LHFPL3: variants seen among roughly 807,000 people sequenced by gnomAD.
LHFPL3 encodes LHFPL tetraspan subfamily member 3.
A neutral mutation model predicts 19.3 loss-of-function variants in LHFPL3; 5 were observed. The observed-to-expected ratio is 0.26, with a 90% CI of 0.14 to 0.54. LHFPL3 has a LOEUF of 0.54. Among genes scored for constraint, LHFPL3 ranks in the 20% least tolerant of loss-of-function variants. The probability of loss-of-function intolerance (pLI) is 0.94; values close to 1 mark genes in which losing one functional copy is unlikely to be tolerated. For synonymous variants in LHFPL3, 133 were observed against 126.2 expected (o/e 1.05, Z -0.36); for missense variants, 249 against 307.4 (o/e 0.81, Z 1.42).
chr7:104,750,051 T>C (rs1794132857), intron 2 of LHFPL3, among the ~76,000 whole-genome samples: 1 of 152,190 alleles, frequency 6.6e-6, no homozygotes, highest in Non-Finnish European at 1.5e-5. Flanking sequence ...CCCATTGTTG[T>C]AATAAATCTC....
At chr7:104,501,860 A>G (rs190031009) in intron 1 of LHFPL3, among the ~76,000 whole-genome samples, 26 of 152,352 alleles carry the variant, frequency 1.7e-4, no homozygotes, top group African/African-American at 5.8e-4. Context: ...TAGCAGTAGC[A>G]TAGCTGATTT....
chr7:104,534,610 C>A (rs62485140), intron 1 of LHFPL3, among the ~76,000 whole-genome samples: 1,816 of 152,308 alleles, frequency 0.012, 15 homozygotes, highest in East Asian at 0.027. Flanking sequence ...TCCTATGTAA[C>A]TGTTCTCACT....
intron 2 of LHFPL3, among the ~76,000 whole-genome samples, chr7:104,890,256 T>C (rs1249836844): frequency 6.6e-6 from 1 of 152,166 alleles, no homozygotes; most frequent in African/African-American, 2.4e-5. Flanking sequence ...TGAACTATGA[T>C]TGTGCCACTT....
At chr7:104,782,244 A>T (rs1288674428) in intron 2 of LHFPL3, among the ~76,000 whole-genome samples, 1 of 152,192 alleles carries the variant, frequency 6.6e-6, no homozygotes, top group Admixed American at 6.5e-5. Flanking sequence ...CTCTTCAGCA[A>T]AGTTGTCAAT....
intron 1 of LHFPL3, among the ~76,000 whole-genome samples, chr7:104,442,371 A>T (rs1442689499): frequency 6.6e-6 from 1 of 152,178 alleles, no homozygotes; most frequent in Non-Finnish European, 1.5e-5. Flanking sequence ...CTAGATATTG[A>T]CACGACGCTT....
chr7:104,816,165 CGTT>C (rs768946001), intron 2 of LHFPL3, among the ~76,000 whole-genome samples: 16 of 152,152 alleles, frequency 1.1e-4, no homozygotes, highest in South Asian at 2.1e-4. Context: ...AAAATGCTGT[CGTT>C]GTTGTTGTTT....
chr7:104,420,055 C>T (rs931947030), intron 1 of LHFPL3, among the ~76,000 whole-genome samples: 1 of 152,184 alleles, frequency 6.6e-6, no homozygotes, highest in Admixed American at 6.5e-5. Context: ...GGTTCTAACC[C>T]CATGAAGAGT....
intron 1 of LHFPL3, among the ~76,000 whole-genome samples, chr7:104,402,320 T>C (rs1584295390): frequency 6.6e-6 from 1 of 152,358 alleles, no homozygotes; most frequent in East Asian, 1.9e-4. Flanking sequence ...TACCACCTAC[T>C]TAAAGTAAAT....
intron 1 of LHFPL3, among the ~76,000 whole-genome samples, chr7:104,368,458 C>T (rs543066976): frequency 3.1e-4 from 47 of 152,260 alleles, no homozygotes; most frequent in Admixed American, 2.5e-3. Context: ...TGCAGACATC[C>T]GCTACCTGAA....
At chr7:104,813,610 T>C (rs891152949) in intron 2 of LHFPL3, among the ~76,000 whole-genome samples, 1 of 152,084 alleles carries the variant, frequency 6.6e-6, no homozygotes, top group Non-Finnish European at 1.5e-5. Flanking sequence ...TGAGTGAGTG[T>C]AGGGTCCAGC....
chr7:104,344,382 C>G (rs1244179913), intron 1 of LHFPL3, among the ~76,000 whole-genome samples: 2 of 152,026 alleles, frequency 1.3e-5, no homozygotes, highest in East Asian at 3.9e-4. Flanking sequence ...ACATTGTGCT[C>G]AATATGTAGC....
intron 1 of LHFPL3, among the ~76,000 whole-genome samples, chr7:104,371,956 G>T (rs778858711): frequency 1.4e-4 from 21 of 152,158 alleles, no homozygotes; most frequent in Non-Finnish European, 2.5e-4. Flanking sequence ...ACATCAGAGA[G>T]GATAACATTT....
At chr7:104,841,426 G>C (rs561753760) in intron 2 of LHFPL3, among the ~76,000 whole-genome samples, 1 of 36,870 alleles carries the variant, frequency 2.7e-5, no homozygotes, top group South Asian at 1.3e-3. Flanking sequence ...GTTTGTGTCT[G>C]TGGAAAATTG....
At chr7:104,757,303 A>T (rs1191643744) in intron 2 of LHFPL3, among the ~76,000 whole-genome samples, 1 of 152,162 alleles carries the variant, frequency 6.6e-6, no homozygotes, top group Non-Finnish European at 1.5e-5. Flanking sequence ...TTGGGACATA[A>T]TTTATAACTA....
At chr7:104,339,631 A>G (rs538176450) in intron 1 of LHFPL3, among the ~76,000 whole-genome samples, 8 of 152,372 alleles carry the variant, frequency 5.3e-5, no homozygotes, top group South Asian at 2.1e-4. Flanking sequence ...TAAGTCTTCA[A>G]TATGCATTTT....
intron 1 of LHFPL3, among the ~76,000 whole-genome samples, chr7:104,655,500 T>C (rs1269133598): frequency 6.6e-6 from 1 of 152,184 alleles, no homozygotes; most frequent in African/African-American, 2.4e-5. Context: ...GAATTGAGGA[T>C]TGCTAAAGGG....
At chr7:104,661,048 G>A (rs577240122) in intron 1 of LHFPL3, among the ~76,000 whole-genome samples, 34 of 152,232 alleles carry the variant, frequency 2.2e-4, no homozygotes, top group African/African-American at 7.7e-4. Flanking sequence ...CTTCTTAATG[G>A]GAGGGATGCC....
At chr7:104,775,992 G>A (rs7459029) in intron 2 of LHFPL3, among the ~76,000 whole-genome samples, 1 of 152,074 alleles carries the variant, frequency 6.6e-6, no homozygotes, top group Non-Finnish European at 1.5e-5. Context: ...AAGGAAAGAA[G>A]CTAATTCCAA....
intron 2 of LHFPL3, among the ~76,000 whole-genome samples, chr7:104,822,465 G>A (rs1323788997): frequency 6.6e-6 from 1 of 152,144 alleles, no homozygotes; most frequent in Non-Finnish European, 1.5e-5. Flanking sequence ...AGCTAATTCT[G>A]TGGGGGATGG....
Sources: gnomAD v4.1 joint callset for allele counts (sites outside exome capture counted in the v4.1 genomes callset) on GRCh38, gnomAD v4.1.1 for gene constraint, MANE v1.5 for transcripts, NCBI Gene and HGNC (gene_info 2026-07-23, HGNC 2026-07-21) for gene names.